Variants in NOL4 observed in about 807,000 individuals in gnomAD.
NOL4 encodes the protein nucleolar protein 4.
A neutral mutation model predicts 75.9 loss-of-function variants in NOL4; 17 were observed. The observed-to-expected ratio is 0.22, with a 90% CI of 0.15 to 0.34. The LOEUF (loss-of-function observed/expected upper bound fraction) is 0.34, where lower values mean the gene tolerates loss of function less well. Ranked by LOEUF, NOL4 falls within the 10% of genes least tolerant of loss-of-function variation. The pLI is 1.00. For missense variants in NOL4, 614 were observed against 793.5 expected (o/e 0.77, Z 2.72); for synonymous variants, 292 against 289.9 (o/e 1.01, Z -0.07).
intron 6 of NOL4, among the ~76,000 whole-genome samples, chr18:34,014,636 C>T (rs2074574616): frequency 6.6e-6 from 1 of 151,986 alleles, no homozygotes; most frequent in Non-Finnish European, 1.5e-5. Context: ...CCTCATGGGT[C>T]TCATTTTCCA....
At chr18:33,945,176 G>C (rs1283405817) in intron 8 of NOL4, among the ~76,000 whole-genome samples, 1 of 151,814 alleles carries the variant, frequency 6.6e-6, no homozygotes, top group Non-Finnish European at 1.5e-5. Context: ...TAAAATATCA[G>C]CAACCATCCT....
intron 1 of NOL4, among the ~76,000 whole-genome samples, chr18:34,219,635 T>C (rs2037158173): frequency 6.6e-6 from 1 of 152,254 alleles, no homozygotes; most frequent in South Asian, 2.1e-4. Flanking sequence ...AAGTTGGATG[T>C]AATCAATGTC....
At chr18:34,193,405 A>G (rs1040480284) in intron 1 of NOL4, among the ~76,000 whole-genome samples, 4 of 152,164 alleles carry the variant, frequency 2.6e-5, no homozygotes, top group African/African-American at 9.6e-5. Flanking sequence ...ACTCAACTCA[A>G]TAGCAGAAAA....
chr18:33,926,157 C>T (rs189866374), intron 9 of NOL4, among the ~76,000 whole-genome samples: 75 of 151,878 alleles, frequency 4.9e-4, no homozygotes, highest in African/African-American at 1.8e-3. Context: ...GTCAAGAGAT[C>T]GAGACCATCC....
chr18:34,130,197 C>G (rs949840904), intron 1 of NOL4, among the ~76,000 whole-genome samples, 177 bp from the exon 2 acceptor site: 1 of 151,942 alleles, frequency 6.6e-6, no homozygotes, highest in African/African-American at 2.4e-5. Context: ...ACATACAGAA[C>G]TTGGAAAAAC....
intron 10 of NOL4, among the ~76,000 whole-genome samples, chr18:33,857,351 G>GA (rs1166363938): frequency 6.6e-6 from 1 of 152,006 alleles, no homozygotes; most frequent in East Asian, 1.9e-4. Flanking sequence ...GATAGGACAA[G>GA]AAGCTTATAA....
At chr18:33,954,754 A>G (rs1264853705) in intron 8 of NOL4, among the ~76,000 whole-genome samples, 1 of 152,064 alleles carries the variant, frequency 6.6e-6, no homozygotes, top group Non-Finnish European at 1.5e-5. Context: ...GAAAACTTTG[A>G]AATTTTTAAT....
intron 6 of NOL4, among the ~76,000 whole-genome samples, chr18:34,015,367 A>G (rs1363206152): frequency 6.6e-6 from 1 of 152,036 alleles, no homozygotes; most frequent in Non-Finnish European, 1.5e-5. Flanking sequence ...ACCTCTGAGC[A>G]CTAACTCTCC....
intron 5 of NOL4, among the ~76,000 whole-genome samples, chr18:34,045,770 T>C (rs1350080281): frequency 6.6e-6 from 1 of 152,192 alleles, no homozygotes; most frequent in African/African-American, 2.4e-5. Flanking sequence ...AAGTGGCCCT[T>C]CTAGCTTAAC....
At chr18:34,012,410 A>T (rs940456761) in intron 6 of NOL4, among the ~76,000 whole-genome samples, 1 of 151,926 alleles carries the variant, frequency 6.6e-6, no homozygotes, top group African/African-American at 2.4e-5. Flanking sequence ...ATTTTTAAAA[A>T]ATCTACTAAG....
At chr18:34,076,677 G>A (rs147424045) in intron 5 of NOL4, among the ~76,000 whole-genome samples, 2 of 152,234 alleles carry the variant, frequency 1.3e-5, no homozygotes, top group Non-Finnish European at 2.9e-5. Context: ...CTATGCGTCC[G>A]AGTTCAAAGA....
chr18:33,967,728 A>G (rs1241443922), intron 6 of NOL4, among the ~76,000 whole-genome samples: 1 of 152,246 alleles, frequency 6.6e-6, no homozygotes, highest in Non-Finnish European at 1.5e-5. Flanking sequence ...ATTAATTATT[A>G]GCAAAATGCA....
chr18:34,020,073 A>G (rs2074950953), intron 5 of NOL4, among the ~76,000 whole-genome samples: 2 of 152,088 alleles, frequency 1.3e-5, no homozygotes, highest in Admixed American at 1.3e-4. Context: ...AGCCCTCACC[A>G]GGAGTAGATG....
chr18:33,855,090 C>A (rs1567959966), intron 10 of NOL4, among the ~76,000 whole-genome samples: 1 of 152,040 alleles, frequency 6.6e-6, no homozygotes, highest in Non-Finnish European at 1.5e-5. Context: ...TTTTTCAGAT[C>A]TGCAGGATCA....
At chr18:34,142,515 G>C (rs2081214060) in intron 1 of NOL4, among the ~76,000 whole-genome samples, 1 of 152,164 alleles carries the variant, frequency 6.6e-6, no homozygotes, top group Non-Finnish European at 1.5e-5. Flanking sequence ...AAAATGATGA[G>C]TTCATGTCCT....
chr18:34,203,220 A>C (rs890303159), intron 1 of NOL4, among the ~76,000 whole-genome samples: 1 of 152,048 alleles, frequency 6.6e-6, no homozygotes, highest in African/African-American at 2.4e-5. Flanking sequence ...GTCCATTTTG[A>C]AATCAGAGAT....
chr18:33,969,174 C>A (rs1480459204), intron 6 of NOL4, among the ~76,000 whole-genome samples: 2 of 152,014 alleles, frequency 1.3e-5, no homozygotes, highest in South Asian at 2.1e-4. Context: ...TCATTGATAT[C>A]AATATTTTTT....
chr18:34,137,779 TACACACAC>T (rs1156472289), intron 1 of NOL4, among the ~76,000 whole-genome samples: 5 of 147,044 alleles, frequency 3.4e-5, no homozygotes, highest in African/African-American at 7.6e-5. Flanking sequence ...ATATACGAAA[TACACACAC>T]ACACACACAC....
At chr18:34,047,366 T>A (rs1429189799) in intron 5 of NOL4, among the ~76,000 whole-genome samples, 3 of 152,006 alleles carry the variant, frequency 2.0e-5, no homozygotes, top group African/African-American at 7.2e-5. Context: ...GGGGAAACAA[T>A]CCCAGTTTCT....
Sources: allele counts gnomAD v4.1 joint callset (sites outside exome capture counted in the v4.1 genomes callset), GRCh38; gene constraint gnomAD v4.1.1; transcripts MANE v1.5; gene names NCBI Gene and HGNC (gene_info 2026-07-23, HGNC 2026-07-21).